The following USP6 variants were observed in gnomAD, a reference collection of about 807,000 sequenced individuals.
USP6 encodes ubiquitin carboxyl-terminal hydrolase 6.
In USP6, 128 loss-of-function variants were observed where a neutral mutation model predicts 175.7. The observed-to-expected ratio is 0.73, with a 90% confidence interval of 0.63 to 0.84. The LOEUF (loss-of-function observed/expected upper bound fraction) is 0.84. USP6 is among the 40% of genes least tolerant of loss of function. USP6 has a pLI of 0.00. For synonymous variants in USP6, 562 were observed against 630.6 expected (o/e 0.89, Z 1.63); for missense variants, 1,498 against 1,760.3 (o/e 0.85, Z 2.67).
rs1453988600 is a variant in USP6, at chr17:5,136,504, G to A, written c.665-136G>A. The A allele has an allele frequency of 2.5e-5, 30 of 1,180,232 alleles. No homozygotes were observed. The East Asian group carries it at 3.3e-4, about 13-fold the overall frequency. The allele number at this position is 1,180,232 out of a possible 1,614,324, so 73.1% of individuals were successfully genotyped here. A position where few individuals can be genotyped will look rare whatever the true frequency, so the allele number is the denominator to read the frequency against. ...GTCCCACCTCCCCAGGGCAAAGGCC[G>A]CATGGTAGGGTCACCAGATGGGAGG... On this transcript the variant is annotated intron_variant, in intron 17 of 37. Transcript: ENST00000574788.
chr17:5,145,006 T>A, intron 26 of USP6, 143 bp downstream of exon 26: 2 of 1,277,304 alleles, frequency 1.6e-6, no homozygotes, highest in Non-Finnish European at 2.1e-6. Flanking sequence ...TTTCTATGCT[T>A]AATTGTTATG....
chr17:5,136,632 C>T lies in USP6; in HGVS notation c.665-8C>T, dbSNP rs1030462368. The T allele has an allele frequency of 1.2e-6, 2 of 1,611,414 alleles. No individual in the cohort carries two copies. Among genetic ancestry groups the T allele is most frequent in the African/African-American group, 1.3e-5 (1 of 74,856 alleles). On this transcript the variant is annotated splice_region_variant and splice_polypyrimidine_tract_variant and intron_variant, in intron 17 of 37. Transcript: ENST00000574788. ...CTCTGATTTCATGATGGGCTGGGGG[C>T]TTCTCAGGATTCCACAGCCCAAATG...
In USP6 at chr17:5,172,707, GGTTA is replaced by G. The variant is rs897228557; in HGVS notation, c.4048-95_4048-92del. The G allele has an allele frequency of 6.8e-5, 103 of 1,522,638 alleles. No homozygotes were observed. The African/African-American group carries it at 1.1e-3, about 16-fold the overall frequency. The allele number at this position is 1,522,638 out of a possible 1,614,324, so 94.3% of individuals were successfully genotyped here. Reference sequence around the variant, plus strand: ...CTAGTGAGCTTATTGGAAGCAATCAGGTTAGTAATTACAGAGGGTTGGTCTTCCC... The same window carrying G: ...CTAGTGAGCTTATTGGAAGCAATCAGGTAATTACAGAGGGTTGGTCTTCCC... On this transcript the variant is annotated intron_variant, in intron 37 of 37. Transcript: ENST00000574788.
chr17:5,155,941 G>A (rs2073874630), intron 31 of USP6, among the ~76,000 whole-genome samples: 4 of 152,034 alleles, frequency 2.6e-5, no homozygotes, highest in Admixed American at 2.6e-4. Context: ...TAATATCCTT[G>A]TCTTCTGTGT....
intron 30 of USP6, among the ~76,000 whole-genome samples, chr17:5,154,752 T>C (rs1310244729): frequency 1.3e-5 from 2 of 152,138 alleles, no homozygotes; most frequent in Non-Finnish European, 2.9e-5. Context: ...CATTTCTTTT[T>C]CTGAGACAGG....
chr17:5,138,352 C>G, intron 21 of USP6, 79 bp downstream of exon 21: 1 of 1,599,302 alleles, frequency 6.3e-7, no homozygotes. Context: ...GACCAGCAAC[C>G]CTACTACCTG....
intron 6 of USP6, chr17:5,127,061 T>C (rs1003606346): frequency 1.3e-5 from 2 of 151,702 alleles, no homozygotes; most frequent in African/African-American, 4.8e-5. Context: ...GGAATGGGGA[T>C]GGGAGCCGCC....
At chr17:5,120,338 T>C (rs1020185982) in intron 2 of USP6, among the ~76,000 whole-genome samples, 7 of 152,060 alleles carry the variant, frequency 4.6e-5, no homozygotes, top group Admixed American at 4.6e-4. Flanking sequence ...CATCCTCCAC[T>C]GTGCTGGGGG....
intron 30 of USP6, among the ~76,000 whole-genome samples, chr17:5,150,797 A>G (rs2073750503): frequency 6.6e-6 from 1 of 151,940 alleles, no homozygotes; most frequent in African/African-American, 2.4e-5. Flanking sequence ...CCAGCCCAGA[A>G]ATTTATTCTT....
intron 31 of USP6, among the ~76,000 whole-genome samples, chr17:5,160,354 CTTATG>C (rs1346182379): frequency 1.3e-5 from 2 of 152,150 alleles, no homozygotes; most frequent in East Asian, 3.8e-4. Context: ...GTATGCCACT[CTTATG>C]TTATATTCCT....
At chr17:5,141,099 ATACT>A (rs1305605281) in intron 22 of USP6, among the ~76,000 whole-genome samples, 1 of 152,176 alleles carries the variant, frequency 6.6e-6, no homozygotes, top group Non-Finnish European at 1.5e-5. Flanking sequence ...AGGTACACAA[ATACT>A]TACCATTGTG....
chr17:5,132,124 TG>T lies in USP6; in HGVS notation c.156-269del. 2 of 1,258,250 alleles carry T rather than the reference TG, an allele frequency of 1.6e-6. No homozygotes were observed. The highest frequency in any genetic ancestry group is 2.1e-6 in the Non-Finnish European group (2 of 935,316). The allele number at this position is 1,258,250 out of a possible 1,614,324, so 77.9% of individuals were successfully genotyped here. A position where few individuals can be genotyped will look rare whatever the true frequency, so the allele number is the denominator to read the frequency against. On this transcript the variant is annotated intron_variant, in intron 11 of 37. Transcript: ENST00000574788. This position sits in a 1 kb window ranked among gnomAD's most constrained non-coding sequence, Gnocchi z 4.7. ...AGAAAGCACCACCTCAAGTCCAGGA[TG>T]GGCAGCCCCACTGTGGCCTGACCAC...
rs1362164785 is a variant in USP6, at chr17:5,169,011, A to C, written c.3473A>C (p.Lys1158Thr). 10 of 1,613,826 alleles carry C rather than the reference A, an allele frequency of 6.2e-6. No homozygotes were observed. In the East Asian group the frequency reaches 2.2e-4, roughly 36 times the overall value. Reference protein sequence around the residue: ...SAGKEDMLLSKSPSSLSANIS... With the variant: ...SAGKEDMLLSTSPSSLSANIS... The stretch of plus-strand genomic sequence containing the variant: ...GGAAAAGAGGACATGCTCCTAAGCA[A>C]AAGCCCATCCTCACTCAGCGCTAAC... Residue 1158 changes from lysine to threonine, a missense_variant, in exon 35 of 38, where the codon AAA (lysine) becomes ACA (threonine). By Grantham distance (78) the Lys-to-Thr change is moderately conservative. Transcript: ENST00000574788.
chr17:5,135,439 A>G (rs2073222479), intron 16 of USP6, among the ~76,000 whole-genome samples, 157 bp downstream of exon 16: 1 of 152,070 alleles, frequency 6.6e-6, no homozygotes, highest in African/African-American at 2.4e-5. Flanking sequence ...TAAACCTCCA[A>G]GCAAGGGGGT....
chr17:5,168,715 T>G, intron 34 of USP6, 52 bp from the exon 35 acceptor site: 1 of 1,503,482 alleles, frequency 6.7e-7, no homozygotes, highest in Non-Finnish European at 8.9e-7. Context: ...CCATGTAAAT[T>G]TTGTATCTTC....
At chr17:5,162,590 A>G (rs1487852115) in intron 32 of USP6, among the ~76,000 whole-genome samples, 3 of 152,244 alleles carry the variant, frequency 2.0e-5, no homozygotes, top group African/African-American at 7.2e-5. Context: ...TCAAACAGCC[A>G]ATTCCCATGT....
At chr17:5,138,766 C>T (rs916678624) in intron 21 of USP6, among the ~76,000 whole-genome samples, 9 of 152,182 alleles carry the variant, frequency 5.9e-5, no homozygotes, top group South Asian at 2.1e-4. Flanking sequence ...GGCGGGACCC[C>T]GGGCCCAGAG....
At chr17:5,166,474 TC>T (rs1344193189) in intron 33 of USP6, among the ~76,000 whole-genome samples, 4 of 152,108 alleles carry the variant, frequency 2.6e-5, no homozygotes, top group African/African-American at 9.7e-5. Flanking sequence ...AGCCTAAGGT[TC>T]CCATCATGAG....
intron 33 of USP6, 58 bp downstream of exon 33, chr17:5,163,062 G>T: frequency 1.3e-6 from 2 of 1,499,660 alleles, no homozygotes; most frequent in Non-Finnish European, 1.8e-6. Context: ...TTCCCCCAGT[G>T]TAACTATTAT....
Sources: gnomAD v4.1 joint callset for allele counts (sites outside exome capture counted in the v4.1 genomes callset) on GRCh38, gnomAD v4.1.1 for gene constraint, Gnocchi (gnomAD v3.1) non-coding constraint, MANE v1.5 for transcripts, NCBI Gene and HGNC (gene_info 2026-07-23, HGNC 2026-07-21) for gene names.